Variants in COL27A1 observed in about 807,000 individuals in gnomAD.
COL27A1 encodes collagen type XXVII alpha 1 chain.
A neutral mutation model predicts 251.3 loss-of-function variants in COL27A1; 106 were observed. The observed-to-expected ratio is 0.42, with a 90% CI of 0.36 to 0.50. The LOEUF is 0.50. Among genes scored for constraint, COL27A1 ranks in the 20% least tolerant of loss-of-function variants. The pLI, the probability that COL27A1 is intolerant of heterozygous loss-of-function variation, is 0.00. For missense variants in COL27A1, 2,325 were observed against 2,522.8 expected (o/e 0.92, Z 1.68); for synonymous variants, 1,000 against 986.3 (o/e 1.01, Z -0.26).
At position 114,290,105 on chromosome 9, in the gene COL27A1, G is replaced by T. The variant is rs1193812382; in HGVS notation, c.4254G>T (p.Gly1418=). The T allele has an allele frequency of 1.9e-6, 3 of 1,611,678 alleles. No individual in the cohort carries two copies. The Middle Eastern group carries it at 6.0e-4, about 321-fold the overall frequency. The change falls in exon 46 of 61, where the codon GGG becomes GGT. Residue 1418 remains glycine (G), a synonymous_variant. Coordinates refer to ENST00000356083, the MANE Select transcript of COL27A1 (RefSeq NM_032888.4). The surrounding 1 kb of genome is among the most constrained non-coding windows in gnomAD (Gnocchi z 4.6). ...AGGCAGGGGCCCCAGGCCGGAGGGG[G>T]GTCCAGGTGAGTGACTACAGCTGCT... The part of the protein sequence containing the change: ...QGKAGAPGRR[G]VQGLQGLPGP...
At chr9:114,200,993 C>T (rs1217551680) in intron 7 of COL27A1, among the ~76,000 whole-genome samples, 2 of 152,208 alleles carry the variant, frequency 1.3e-5, no homozygotes, top group South Asian at 2.1e-4. Context: ...GACGGGACCC[C>T]TCCCCTCCCT....
chr9:114,265,728 A>G (rs1834696145), intron 32 of COL27A1, among the ~76,000 whole-genome samples: 2 of 152,224 alleles, frequency 1.3e-5, no homozygotes, highest in Non-Finnish European at 2.9e-5. Context: ...TTCTGTTGTG[A>G]AGATGAAATG....
chr9:114,248,135 G>T (rs189676484), intron 24 of COL27A1, among the ~76,000 whole-genome samples: 1 of 152,312 alleles, frequency 6.6e-6, no homozygotes, highest in Non-Finnish European at 1.5e-5. Context: ...CCTGAGGTCT[G>T]CTGGGTTCCC....
At chr9:114,186,413 G>A (rs1828339154) in intron 5 of COL27A1, among the ~76,000 whole-genome samples, 2 of 152,262 alleles carry the variant, frequency 1.3e-5, no homozygotes, top group Admixed American at 1.3e-4. Context: ...CCCTGCCCTT[G>A]GGGAGTGTAG....
At chr9:114,208,259 G>A (rs767192925) in intron 10 of COL27A1, among the ~76,000 whole-genome samples, 12 of 152,108 alleles carry the variant, frequency 7.9e-5, no homozygotes, top group Non-Finnish European at 1.0e-4. Flanking sequence ...TCAACATAGC[G>A]AAACCCCGTC....
At chr9:114,230,544 A>G (rs984273647) in intron 14 of COL27A1, among the ~76,000 whole-genome samples, 1 of 152,168 alleles carries the variant, frequency 6.6e-6, no homozygotes, top group Non-Finnish European at 1.5e-5. Flanking sequence ...CCAGCTGATT[A>G]TAGTGTCCCA....
Position 114,270,743 on chromosome 9 carries a change from G to A in COL27A1, c.3571G>A (p.Glu1191Lys), listed in dbSNP as rs1462423521. 3.7e-6 allele frequency: 6 copies of A among 1,613,026 alleles called. No individual in the cohort carries two copies. The highest frequency in any genetic ancestry group is 4.2e-6 in the Non-Finnish European group (5 of 1,179,466). ...LIGQRGEPGL[E>K]GDSGPMGPDG... ...CCTTTTCCAGGGAGAGCCAGGCCTT[G>A]AGGGTGACAGTGGCCCCATGGGACC... Residue 1191 changes from glutamate (E) to lysine (K), a missense_variant, in exon 36 of 61, where the codon GAG (glutamate) becomes AAG (lysine). Glu to Lys is a moderately conservative substitution (Grantham distance 56, BLOSUM62 1). Around this residue, in one of 4 missense-constraint regions of COL27A1, gnomAD observed 662 missense variants for 795.3 expected, o/e 0.83. Coordinates refer to ENST00000356083, the MANE Select transcript of COL27A1 (RefSeq NM_032888.4).
chr9:114,269,841 A>G (rs1017144485), intron 35 of COL27A1, among the ~76,000 whole-genome samples: 2 of 152,186 alleles, frequency 1.3e-5, no homozygotes, highest in African/African-American at 4.8e-5. Context: ...TGGACCACCC[A>G]ACTGGCACAT....
intron 37 of COL27A1, 146 bp from the exon 38 acceptor site, chr9:114,282,131 C>T: frequency 1.5e-6 from 1 of 681,252 alleles, no homozygotes; most frequent in Non-Finnish European, 2.6e-6. Context: ...AGGTCAGGCT[C>T]AAGGTCATGT....
chr9:114,215,964 C>G (rs1830685041), intron 12 of COL27A1, among the ~76,000 whole-genome samples: 2 of 152,200 alleles, frequency 1.3e-5, no homozygotes, highest in African/African-American at 4.8e-5. Flanking sequence ...TCTTGCTTCT[C>G]TGCCCCTGTA....
At position 114,289,257 on chromosome 9, in the gene COL27A1, C is replaced by T. The variant is rs374637938; in HGVS notation, c.4168C>T (p.Arg1390Trp). The part of the protein sequence containing the change: ...QQGQPGHPGP[R>W]GWPGPKGSKG... ...TGGTTTGCAGGGGCATCCGGGACCC[C>T]GGGGGTGGCCGGGACCCAAAGGATC... Residue 1390 changes from arginine (R) to tryptophan (W), a missense_variant, in exon 45 of 61, where the codon CGG (arginine) becomes TGG (tryptophan). Physicochemically the swap from Arg to Trp is moderately radical, Grantham distance 101. Around this residue, in one of 4 missense-constraint regions of COL27A1, gnomAD observed 662 missense variants for 795.3 expected, o/e 0.83. Coordinates refer to ENST00000356083, the MANE Select transcript of COL27A1 (RefSeq NM_032888.4). 2.5e-5 allele frequency: 40 copies of T among 1,594,248 alleles called. No homozygotes were observed. Among genetic ancestry groups the T allele is most frequent in the Admixed American group, 8.8e-5 (5 of 56,646 alleles).
chr9:114,225,346 A>T (rs1346627171), intron 14 of COL27A1, among the ~76,000 whole-genome samples: 2 of 152,114 alleles, frequency 1.3e-5, no homozygotes, highest in Non-Finnish European at 2.9e-5. Flanking sequence ...CCCAGAGCTG[A>T]TTTGTTCTGC....
intron 15 of COL27A1, 29 bp from the exon 16 acceptor site, chr9:114,231,793 C>T: frequency 6.2e-7 from 1 of 1,613,776 alleles, no homozygotes; most frequent in Non-Finnish European, 8.5e-7. Context: ...AGAGTCCCAT[C>T]ACAGCTGGCC....
chr9:114,305,899 G>A (rs909317240), intron 57 of COL27A1, among the ~76,000 whole-genome samples: 2 of 152,238 alleles, frequency 1.3e-5, no homozygotes, highest in South Asian at 4.1e-4. Flanking sequence ...AGTGGAAGGA[G>A]GGTTTATTTA....
At chr9:114,196,525 C>G (rs1239153338) in intron 7 of COL27A1, among the ~76,000 whole-genome samples, 1 of 152,170 alleles carries the variant, frequency 6.6e-6, no homozygotes, top group African/African-American at 2.4e-5. Context: ...ACCCTGGGGT[C>G]AGTTGGACCT....
Position 114,290,218 on chromosome 9 carries a change from C to T in COL27A1, c.4261-6C>T. On this transcript the variant is annotated splice_polypyrimidine_tract_variant and splice_region_variant and intron_variant, in intron 46 of 60. Transcript: ENST00000356083. This position sits in a 1 kb window ranked among gnomAD's most constrained non-coding sequence, Gnocchi z 4.6. ...TGCCCTCACCAGCTTTTTATGTACC[C>T]CCCAGGGCCTGCAGGGGCTGCCAGG... The T allele has an allele frequency of 1.3e-6, 2 of 1,575,248 alleles. No homozygotes were observed. The highest frequency in any genetic ancestry group is 1.7e-6 in the Non-Finnish European group (2 of 1,159,976).
chr9:114,301,172 C>T, intron 52 of COL27A1, 47 bp downstream of exon 52: 1 of 1,612,438 alleles, frequency 6.2e-7, no homozygotes, highest in Non-Finnish European at 8.5e-7. Flanking sequence ...CCCTTGCCTT[C>T]CTGGCTCCAG....
intron 13 of COL27A1, 111 bp downstream of exon 13, chr9:114,219,955 G>A (rs1164428747): frequency 4.9e-6 from 4 of 809,730 alleles, no homozygotes; most frequent in African/African-American, 3.4e-5. Context: ...TCCCAGCCCT[G>A]TGAAGTACCA....
At chr9:114,218,495 AT>A (rs1830860252) in intron 12 of COL27A1, 1 of 152,200 alleles carries the variant, frequency 6.6e-6, no homozygotes, top group African/African-American at 2.4e-5. Context: ...CCGAGTCTCA[AT>A]TTTCCCATCT....
Sources: gnomAD v4.1 joint callset for allele counts (sites outside exome capture counted in the v4.1 genomes callset) on GRCh38, gnomAD v4.1.1 for gene constraint, gnomAD v4.1.1 regional missense constraint, Gnocchi (gnomAD v3.1) non-coding constraint, MANE v1.5 for transcripts, NCBI Gene and HGNC (gene_info 2026-07-23, HGNC 2026-07-21) for gene names.